The following TEF variants were observed in gnomAD, a reference collection of about 807,000 sequenced individuals.
The protein encoded by TEF is thyrotroph embryonic factor.
Under a neutral mutation model 20.8 loss-of-function variants are expected in TEF, and 3 were observed. That is an observed-to-expected ratio of 0.14 (90% confidence interval 0.07 to 0.37). The LOEUF (loss-of-function observed/expected upper bound fraction) is 0.37, where lower values mean the gene tolerates loss of function less well. TEF is among the 10% of genes least tolerant of loss of function. The pLI is 1.00. For synonymous variants in TEF, 180 were observed against 171.1 expected (o/e 1.05, Z -0.41); for missense variants, 296 against 397.9 (o/e 0.74, Z 2.18).
At chr22:41,391,456 G>A (rs886184633) in intron 2 of TEF, among the ~76,000 whole-genome samples, 1 of 151,656 alleles carries the variant, frequency 6.6e-6, no homozygotes, top group Non-Finnish European at 1.5e-5. Context: ...CCCCTGAGTA[G>A]CTGGGATAAC....
upstream of TEF, among the ~76,000 whole-genome samples, chr22:41,377,463 ATTTC>A (rs908483573): frequency 2.6e-5 from 4 of 151,986 alleles, no homozygotes; most frequent in Non-Finnish European, 5.9e-5. Flanking sequence ...TATGGGGTTT[ATTTC>A]TTTGTCGGGC....
rs1555967153 is a variant in TEF, at chr22:41,392,457, C to CTTGAG, written c.476-1639_476-1638insTTGAG. Among the ~76,000 whole-genome samples the CTTGAG allele has an allele frequency of 3.3e-5, 5 of 151,538 alleles. No homozygotes were observed. The East Asian group carries it at 5.8e-4, about 18-fold the overall frequency. ...TTGGGAGGCCGAGGCAGGTGGATCA[C>CTTGAG]CAAGTCAGGAGATTGAGACCATCCT... On this transcript the variant is annotated intron_variant, in intron 2 of 3. Transcript: ENST00000266304.
At position 41,382,059 on chromosome 22, in the gene TEF, C is replaced by T. The variant is rs1267491539; in HGVS notation, c.15C>T (p.Gly5=). The part of the protein sequence containing the change: MSDA[G]GGKKPPVDPQ... ...TCCGGGGCACGATGTCCGACGCGGGCGGCGGAAAGAAGCCGCCTGTGGACC... is the reference window on the plus strand; with the variant it reads ...TCCGGGGCACGATGTCCGACGCGGGTGGCGGAAAGAAGCCGCCTGTGGACC... Residue 5 remains glycine (G), a synonymous_variant, in exon 1 of 4, where the codon GGC becomes GGT. Transcript: ENST00000266304. 15 of 1,230,856 alleles carry T rather than the reference C, an allele frequency of 1.2e-5. No individual in the cohort carries two copies. Among genetic ancestry groups the T allele is most frequent in the Admixed American group, 8.5e-5 (2 of 23,660 alleles). The allele number at this position is 1,230,856 out of a possible 1,614,324, so 76.2% of individuals were successfully genotyped here.
chr22:41,393,620 G>C (rs1174213533), intron 2 of TEF, among the ~76,000 whole-genome samples: 1 of 151,648 alleles, frequency 6.6e-6, no homozygotes, highest in Non-Finnish European at 1.5e-5. Context: ...AGCCAGGCTT[G>C]GTGGCGGGCA....
upstream of TEF, chr22:41,377,172 T>G (rs1278750329): frequency 6.6e-6 from 1 of 151,982 alleles, no homozygotes; most frequent in Non-Finnish European, 1.5e-5. Flanking sequence ...AATTTTTTTT[T>G]CTTTGAAAAA....
chr22:41,384,183 C>G (rs894292497), intron 1 of TEF, among the ~76,000 whole-genome samples: 1 of 152,204 alleles, frequency 6.6e-6, no homozygotes, highest in Non-Finnish European at 1.5e-5. Context: ...CTCCTTTTCA[C>G]TTATAAATCC....
At chr22:41,393,074 C>G (rs1055792054) in intron 2 of TEF, among the ~76,000 whole-genome samples, 1 of 151,882 alleles carries the variant, frequency 6.6e-6, no homozygotes, top group Non-Finnish European at 1.5e-5. Flanking sequence ...GGTGCAGTGG[C>G]TCACACCTGT....
At chr22:41,378,321 A>G (rs947291326), upstream of TEF, among the ~76,000 whole-genome samples, 2 of 143,098 alleles carry the variant, frequency 1.4e-5, no homozygotes, top group Non-Finnish European at 1.5e-5. Context: ...GGCACTCGCC[A>G]CCACGCCCAG....
At chr22:41,379,157 T>G (rs1461968862), upstream of TEF, among the ~76,000 whole-genome samples, 1 of 150,560 alleles carries the variant, frequency 6.6e-6, no homozygotes, top group African/African-American at 2.4e-5. Context: ...GCCAATGTGG[T>G]AAAACCCCGT....
chr22:41,383,116 GT>G (rs2145978677), intron 1 of TEF: 1 of 452,220 alleles, frequency 2.2e-6, no homozygotes, highest in South Asian at 1.6e-5. Flanking sequence ...AGAGCCATCA[GT>G]TATTCAGGGT....
Position 41,382,112 on chromosome 22 carries a change from G to A in TEF, c.68G>A (p.Gly23Glu). 1 of 1,233,614 alleles carries A rather than the reference G, an allele frequency of 8.1e-7. No homozygotes were observed. The highest frequency in any genetic ancestry group is 1.0e-6 in the Non-Finnish European group (1 of 988,566). The allele number at this position is 1,233,614 out of a possible 1,614,324, so 76.4% of individuals were successfully genotyped here. The change falls in exon 1 of 4, where the codon GGG (glycine) becomes GAG (glutamate). Residue 23 changes from glycine to glutamate, a missense_variant. By Grantham distance (98) the Gly-to-Glu change is moderately conservative. Around this residue, in one of 2 missense-constraint regions of TEF, gnomAD observed 102 missense variants for 80.1 expected, o/e 1.27. Transcript: ENST00000266304. ...DPQAGPGPGP[G>E]RAAGERGLSG... Reference sequence around the variant, plus strand: ...CAGGCAGGACCCGGTCCGGGGCCGGGGCGCGCAGCTGGGGAAAGGGGCCTG... The same window carrying A: ...CAGGCAGGACCCGGTCCGGGGCCGGAGCGCGCAGCTGGGGAAAGGGGCCTG...
rs200740761 is a variant in TEF at position 41,387,526 on chromosome 22, C to T, written c.333C>T (p.Pro111=). ...LDEFLLENGI[P]ASPTHLAHNL... ...AGTTCCTGCTGGAGAATGGCATCCC[C>T]GCCAGCCCCACCCACCTGGCCCACA... Residue 111 remains proline (P), a synonymous_variant, in exon 2 of 4, where the codon CCC becomes CCT. Coordinates refer to ENST00000266304, the MANE Select transcript of TEF (RefSeq NM_003216.4). 164 of 1,614,184 alleles carry T rather than the reference C, an allele frequency of 1.0e-4. 1 individual carries two copies. In the South Asian group the frequency reaches 1.3e-3, roughly 12 times the overall value.
intron 1 of TEF, chr22:41,382,821 G>A (rs980017295): frequency 8.7e-6 from 4 of 458,882 alleles, no homozygotes; most frequent in Non-Finnish European, 1.8e-5. Flanking sequence ...CGCCTTGGGA[G>A]GGGAGTTTTG....
intron 1 of TEF, chr22:41,370,158 A>G: frequency 5.3e-6 from 5 of 939,412 alleles, no homozygotes; most frequent in Non-Finnish European, 6.3e-6. Flanking sequence ...CTCTATCGCC[A>G]GGCTGGAGTG....
At chr22:41,370,902 T>C (rs1411599225) in intron 1 of TEF, among the ~76,000 whole-genome samples, 1 of 152,242 alleles carries the variant, frequency 6.6e-6, no homozygotes, top group Non-Finnish European at 1.5e-5. Flanking sequence ...CAATGGCTTC[T>C]TGGTGGCCTT....
chr22:41,382,254 C>T, intron 1 of TEF, 53 bp downstream of exon 1: 1 of 123,470 alleles, frequency 8.1e-6, no homozygotes, highest in East Asian at 2.1e-4. Context: ...TATACAGGGG[C>T]GGGGCCTCGT....
At chr22:41,373,750 A>G (rs9611567) in intron 1 of TEF, among the ~76,000 whole-genome samples, 28,870 of 144,750 alleles carry the variant, frequency 0.2, 4,000 homozygotes, top group Admixed American at 0.39. Context: ...TTACAGTCGT[A>G]AGTCACCACG....
rs2037247096 is a variant in TEF at position 41,397,704 on chromosome 22, A to G, written c.*1744A>G. 1 of 152,210 alleles carries G rather than the reference A, an allele frequency of 6.6e-6. No individual in the cohort carries two copies. The highest frequency in any genetic ancestry group is 2.4e-5 in the African/African-American group (1 of 41,446). 9.4% of individuals were successfully genotyped at this position (152,210 alleles called of 1,614,324 possible). A position where few individuals can be genotyped will look rare whatever the true frequency, so the allele number is the denominator to read the frequency against. Reference sequence around the variant, plus strand: ...TTTACTTTGTGGTTCTCTAAAAACCATGTACACACTTTCACTCTATTGTAA... The same window carrying G: ...TTTACTTTGTGGTTCTCTAAAAACCGTGTACACACTTTCACTCTATTGTAA... On this transcript the variant is annotated 3_prime_UTR_variant, in exon 4 of 4. Transcript: ENST00000266304.
intron 2 of TEF, among the ~76,000 whole-genome samples, chr22:41,392,144 G>A (rs1289011921): frequency 6.6e-6 from 1 of 152,176 alleles, no homozygotes; most frequent in East Asian, 1.9e-4. Flanking sequence ...CAAAGGTATA[G>A]TTTTTCTTAA....
Sources: allele counts gnomAD v4.1 joint callset (sites outside exome capture counted in the v4.1 genomes callset), GRCh38; gene constraint gnomAD v4.1.1; regional missense constraint gnomAD v4.1.1; transcripts MANE v1.5; gene names NCBI Gene and HGNC (gene_info 2026-07-23, HGNC 2026-07-21).